UGT1A5: variants seen among roughly 807,000 people sequenced by gnomAD.
UGT1A5 encodes the protein UDP glucuronosyltransferase family 1 member A5.
UGT1A5 carries 29 observed loss-of-function variants against 40.3 expected under a neutral mutation model. That is an observed-to-expected ratio of 0.72 (90% CI 0.54 to 0.98). The LOEUF (loss-of-function observed/expected upper bound fraction) is 0.98, where lower values mean the gene tolerates loss of function less well. UGT1A5 is among the 50% of genes least tolerant of loss of function. UGT1A5 has a pLI of 0.00. For missense variants in UGT1A5, 678 were observed against 677.9 expected (o/e 1.00, Z 0.00); for synonymous variants, 257 against 262.5 (o/e 0.98, Z 0.20).
At chr2:233,728,069 G>T (rs750317437) in intron 1 of UGT1A5, among the ~76,000 whole-genome samples, 1 of 152,220 alleles carries the variant, frequency 6.6e-6, no homozygotes, top group Non-Finnish European at 1.5e-5. Context: ...CCTTGTGAGT[G>T]CTCAGGGTCT....
At chr2:233,715,722 T>C (rs754383024) in intron 1 of UGT1A5, among the ~76,000 whole-genome samples, 5 of 152,106 alleles carry the variant, frequency 3.3e-5, no homozygotes, top group Non-Finnish European at 5.9e-5. Flanking sequence ...CAGTGTGCCA[T>C]GTTCACGCCA....
At chr2:233,761,798 T>C (rs573844066) in intron 1 of UGT1A5, among the ~76,000 whole-genome samples, 7 of 152,144 alleles carry the variant, frequency 4.6e-5, no homozygotes, top group Non-Finnish European at 1.0e-4. Context: ...CAGCAGAGGA[T>C]AGAAAAGAAC....
At chr2:233,739,588 C>A (rs1487878859) in intron 1 of UGT1A5, among the ~76,000 whole-genome samples, 1 of 152,180 alleles carries the variant, frequency 6.6e-6, no homozygotes, top group African/African-American at 2.4e-5. Context: ...TTGCATGGGG[C>A]CTATAGCCCC....
intron 1 of UGT1A5, among the ~76,000 whole-genome samples, chr2:233,765,584 C>A (rs1030389138): frequency 6.6e-6 from 1 of 151,846 alleles, no homozygotes; most frequent in African/African-American, 2.4e-5. Context: ...GGGAGGGGAA[C>A]AACACACACC....
intron 1 of UGT1A5, among the ~76,000 whole-genome samples, chr2:233,720,012 A>G (rs1319235409): frequency 1.3e-5 from 2 of 152,206 alleles, no homozygotes; most frequent in East Asian, 1.9e-4. Context: ...GAACTGATCC[A>G]TCCTGGGGTT....
intron 1 of UGT1A5, among the ~76,000 whole-genome samples, chr2:233,739,478 C>A (rs945148386): frequency 2.6e-5 from 4 of 152,180 alleles, no homozygotes; most frequent in African/African-American, 9.7e-5. Context: ...ACCGTGGGAG[C>A]CCATTTCTGG....
chr2:233,753,747 C>A (rs1162212818), intron 1 of UGT1A5: 2 of 152,344 alleles, frequency 1.3e-5, no homozygotes, highest in African/African-American at 4.8e-5. Context: ...AGCAATAGGA[C>A]AGTTTTGCGT....
At chr2:233,759,709 C>T (rs139134152) in intron 1 of UGT1A5, among the ~76,000 whole-genome samples, 6 of 151,084 alleles carry the variant, frequency 4.0e-5, no homozygotes, top group Non-Finnish European at 8.8e-5. Flanking sequence ...GGCGCGTGCT[C>T]GTGTGGTGGG....
rs1357071651 is a variant in UGT1A5, at chr2:233,768,553, A to G, written c.1307+114A>G. The G allele has an allele frequency of 2.0e-6, 3 of 1,477,264 alleles. No individual in the cohort carries two copies. The Admixed American group carries it at 8.1e-5, about 40-fold the overall frequency. 91.5% of individuals were successfully genotyped at this position (1,477,264 alleles called of 1,614,324 possible). A position where few individuals can be genotyped will look rare whatever the true frequency, so the allele number is the denominator to read the frequency against. On this transcript the variant is annotated intron_variant, in intron 4 of 4. Coordinates refer to ENST00000373414, the MANE Select transcript of UGT1A5 (RefSeq NM_019078.2). ...AGCGTTGTTTCAAATATAAAAACAA[A>G]TACATAAAAATCTGGATTTTTATTT...
intron 1 of UGT1A5, among the ~76,000 whole-genome samples, chr2:233,724,260 C>G (rs1481062069): frequency 7.7e-6 from 1 of 129,912 alleles, no homozygotes; most frequent in African/African-American, 3.0e-5. Flanking sequence ...CCTCACCTCC[C>G]GGACGGGGCG....
At position 233,760,380 on chromosome 2, in the gene UGT1A5, G is replaced by C. The variant is rs768058050; in HGVS notation, c.868-6654G>C. 4.3e-6 allele frequency: 7 copies of C among 1,614,074 alleles called. No individual in the cohort carries two copies. The East Asian group carries it at 1.6e-4, about 36-fold the overall frequency. ...TGGTGTCCCATGCTGGGAAGATACT[G>C]TTGATCCCAGTGGATGGCAGCCACT... On this transcript the variant is annotated intron_variant, in intron 1 of 4. Transcript: ENST00000373414.
chr2:233,742,149 G>A (rs1392863105), intron 1 of UGT1A5, among the ~76,000 whole-genome samples: 1 of 151,848 alleles, frequency 6.6e-6, no homozygotes, highest in Non-Finnish European at 1.5e-5. Context: ...AGCGCTAGAC[G>A]AATTAAAGAC....
chr2:233,762,837 TAGGC>T (rs1698177979), intron 1 of UGT1A5, among the ~76,000 whole-genome samples: 1 of 152,150 alleles, frequency 6.6e-6, no homozygotes, highest in South Asian at 2.1e-4. Context: ...TAAAAAATAA[TAGGC>T]AGTCATTTGC....
intron 1 of UGT1A5, among the ~76,000 whole-genome samples, chr2:233,726,748 C>G (rs1270676383): frequency 6.6e-6 from 1 of 152,206 alleles, no homozygotes; most frequent in Non-Finnish European, 1.5e-5. Context: ...GGCTGTGATT[C>G]TGCCTACCAC....
chr2:233,725,057 C>T (rs1209231794), intron 1 of UGT1A5, among the ~76,000 whole-genome samples: 5 of 147,514 alleles, frequency 3.4e-5, no homozygotes, highest in East Asian at 4.2e-4. Flanking sequence ...CGTGGCGGCG[C>T]GCGCCTGCAA....
At chr2:233,752,930 C>G (rs1695091959) in intron 1 of UGT1A5, among the ~76,000 whole-genome samples, 1 of 152,236 alleles carries the variant, frequency 6.6e-6, no homozygotes, top group South Asian at 2.1e-4. Context: ...TGGTATGCCA[C>G]TCTTTGCTGA....
At chr2:233,717,788 T>G (rs2076606522) in intron 1 of UGT1A5, 1 of 456,178 alleles carries the variant, frequency 2.2e-6, no homozygotes, top group African/African-American at 2.0e-5. Flanking sequence ...TTTTGAAATT[T>G]GAAGTAGTGC....
chr2:233,760,579 A>G (rs2125986282), intron 1 of UGT1A5: 1 of 1,614,220 alleles, frequency 6.2e-7, no homozygotes, highest in South Asian at 1.1e-5. Context: ...TCTCGGGCAT[A>G]ATGTTTTTGA....
chr2:233,732,771 T>G (rs74968543), intron 1 of UGT1A5, among the ~76,000 whole-genome samples: 78 of 146,658 alleles, frequency 5.3e-4, no homozygotes, highest in Admixed American at 6.8e-5. Flanking sequence ...TTTTTTTTTT[T>G]GCTTAGGATT....
Sources: gnomAD v4.1 joint callset for allele counts (sites outside exome capture counted in the v4.1 genomes callset) on GRCh38, gnomAD v4.1.1 for gene constraint, MANE v1.5 for transcripts, NCBI Gene and HGNC (gene_info 2026-07-23, HGNC 2026-07-21) for gene names.